The following XKR4 variants were observed in gnomAD, a reference collection of about 807,000 sequenced individuals.
XKR4 encodes the protein XK-related protein 4.
XKR4 carries 12 observed loss-of-function variants against 53.9 expected under a neutral mutation model. That is an observed-to-expected ratio of 0.22 (90% CI 0.14 to 0.36). The LOEUF (loss-of-function observed/expected upper bound fraction) is 0.36. XKR4 is among the 10% of genes least tolerant of loss of function. The pLI is 1.00. For synonymous variants in XKR4, 354 were observed against 362.4 expected (o/e 0.98, Z 0.26); for missense variants, 799 against 859.5 (o/e 0.93, Z 0.88).
intron 2 of XKR4, among the ~76,000 whole-genome samples, chr8:55,358,172 G>T (rs1204028320): frequency 3.3e-5 from 5 of 152,054 alleles, no homozygotes; most frequent in African/African-American, 4.8e-5. Context: ...GAGGCTTTCT[G>T]GTTTTTATAA....
At chr8:55,495,766 G>A (rs1806337312) in intron 2 of XKR4, among the ~76,000 whole-genome samples, 1 of 152,242 alleles carries the variant, frequency 6.6e-6, no homozygotes, top group Non-Finnish European at 1.5e-5. Context: ...CCTTAGGGAT[G>A]CAAAGCACAG....
intron 1 of XKR4, among the ~76,000 whole-genome samples, chr8:55,337,910 ACAT>A (rs1803485816): frequency 6.6e-6 from 1 of 152,216 alleles, no homozygotes; most frequent in Non-Finnish European, 1.5e-5. Flanking sequence ...ATAATATGTG[ACAT>A]TTGGTTACCT....
intron 2 of XKR4, among the ~76,000 whole-genome samples, chr8:55,434,756 G>A (rs962872505): frequency 6.6e-6 from 1 of 152,200 alleles, no homozygotes; most frequent in African/African-American, 2.4e-5. Context: ...CGACTTTGCT[G>A]CTTTTTTATT....
At chr8:55,312,092 A>AT (rs1479850689) in intron 1 of XKR4, among the ~76,000 whole-genome samples, 1 of 151,888 alleles carries the variant, frequency 6.6e-6, no homozygotes, top group African/African-American at 2.4e-5. Flanking sequence ...GGTTCTTGTG[A>AT]TTTTTTAGTT....
In XKR4 at chr8:55,452,629, T is replaced by G; in HGVS notation, c.1007-70652T>G. The G allele has an allele frequency of 3.0e-6, 4 of 1,325,776 alleles. No homozygotes were observed. In the South Asian group the frequency reaches 3.5e-5, roughly 12 times the overall value. 82.1% of individuals were successfully genotyped at this position (1,325,776 alleles called of 1,614,324 possible). On this transcript the variant is annotated intron_variant, in intron 2 of 2. Transcript: ENST00000327381. ...TTTATCTGGACGATGTCTGGCACCATGACATGCAGCCCCTTGAGGTGGTCA... is the reference window on the plus strand; with the variant it reads ...TTTATCTGGACGATGTCTGGCACCAGGACATGCAGCCCCTTGAGGTGGTCA...
intron 2 of XKR4, among the ~76,000 whole-genome samples, chr8:55,371,515 A>G (rs1804069858): frequency 6.6e-6 from 1 of 152,222 alleles, no homozygotes; most frequent in Non-Finnish European, 1.5e-5. Flanking sequence ...ACTTGGGAAT[A>G]TCAGTAAATA....
chr8:55,457,948 C>CAA (rs34211333), intron 2 of XKR4, among the ~76,000 whole-genome samples: 1 of 151,742 alleles, frequency 6.6e-6, no homozygotes, highest in East Asian at 1.9e-4. Context: ...GAACTACACA[C>CAA]AAAAAAACCA....
At chr8:55,505,425 C>T (rs1027863418) in intron 2 of XKR4, among the ~76,000 whole-genome samples, 3 of 152,132 alleles carry the variant, frequency 2.0e-5, no homozygotes, top group African/African-American at 7.2e-5. Flanking sequence ...ATGGCACACA[C>T]CCATAGTCCC....
chr8:55,505,766 C>T (rs1806517837), intron 2 of XKR4, among the ~76,000 whole-genome samples: 1 of 152,112 alleles, frequency 6.6e-6, no homozygotes, highest in Non-Finnish European at 1.5e-5. Flanking sequence ...TGCATGTGTG[C>T]TTAAGAAAAA....
Position 55,466,487 on chromosome 8 carries a change from G to T in XKR4, c.1007-56794G>T, listed in dbSNP as rs745553425. Among the ~76,000 whole-genome samples the T allele has an allele frequency of 2.0e-5, 3 of 152,012 alleles. No individual in the cohort carries two copies. The East Asian group carries it at 5.8e-4, about 29-fold the overall frequency. ...ACATCTCACACCGGGGACTGTTATGGAGTGGGGGGAGGGGGAAGGGATAGC... is the reference window on the plus strand; with the variant it reads ...ACATCTCACACCGGGGACTGTTATGTAGTGGGGGGAGGGGGAAGGGATAGC... On this transcript the variant is annotated intron_variant, in intron 2 of 2. Coordinates refer to ENST00000327381, the MANE Select transcript of XKR4 (RefSeq NM_052898.2).
At chr8:55,484,463 A>G (rs1806162647) in intron 2 of XKR4, among the ~76,000 whole-genome samples, 1 of 152,256 alleles carries the variant, frequency 6.6e-6, no homozygotes, top group African/African-American at 2.4e-5. Context: ...TTAAAAGAGA[A>G]TGATACACCA....
chr8:55,394,446 T>G (rs917634607), intron 2 of XKR4, among the ~76,000 whole-genome samples: 13 of 152,174 alleles, frequency 8.5e-5, no homozygotes, highest in African/African-American at 2.9e-4. Context: ...TTTTGAAAAA[T>G]AAAACTAAGC....
At chr8:55,496,531 A>G (rs1806351985) in intron 2 of XKR4, among the ~76,000 whole-genome samples, 1 of 152,236 alleles carries the variant, frequency 6.6e-6, no homozygotes, top group Non-Finnish European at 1.5e-5. Flanking sequence ...ATACATTTTT[A>G]AGATTGCACA....
intron 1 of XKR4, among the ~76,000 whole-genome samples, chr8:55,208,190 C>A (rs1683582172): frequency 6.6e-6 from 1 of 152,160 alleles, no homozygotes; most frequent in African/African-American, 2.4e-5. Flanking sequence ...CACCTAAAAT[C>A]TATTCTTGTT....
At chr8:55,294,340 T>A (rs1453441367) in intron 1 of XKR4, among the ~76,000 whole-genome samples, 1 of 152,218 alleles carries the variant, frequency 6.6e-6, no homozygotes, top group Non-Finnish European at 1.5e-5. Context: ...ACTACTCCCA[T>A]CTTGATCAAG....
chr8:55,286,765 C>T (rs1167530575), intron 1 of XKR4, among the ~76,000 whole-genome samples: 1 of 152,136 alleles, frequency 6.6e-6, no homozygotes, highest in Non-Finnish European at 1.5e-5. Context: ...CTTTAGTGCA[C>T]ACACCTTATT....
intron 1 of XKR4, among the ~76,000 whole-genome samples, chr8:55,322,239 C>T (rs1803226744): frequency 6.6e-6 from 1 of 152,154 alleles, no homozygotes; most frequent in South Asian, 2.1e-4. Flanking sequence ...TCTTAACTCG[C>T]TTTTTCACTC....
intron 1 of XKR4, among the ~76,000 whole-genome samples, chr8:55,132,132 A>G (rs1244365449): frequency 6.6e-6 from 1 of 152,190 alleles, no homozygotes; most frequent in Non-Finnish European, 1.5e-5. Context: ...AATGGGTTCA[A>G]TTTATTGAGC....
At chr8:55,511,068 T>A (rs1041389864) in intron 2 of XKR4, among the ~76,000 whole-genome samples, 1 of 152,116 alleles carries the variant, frequency 6.6e-6, no homozygotes, top group Admixed American at 6.5e-5. Context: ...GCTGCATTAT[T>A]AAATGGTCCC....
Sources: allele counts gnomAD v4.1 joint callset (sites outside exome capture counted in the v4.1 genomes callset), GRCh38; gene constraint gnomAD v4.1.1; transcripts MANE v1.5; gene names NCBI Gene and HGNC (gene_info 2026-07-23, HGNC 2026-07-21).